HPSE2: variants seen among roughly 807,000 people sequenced by gnomAD.
HPSE2 encodes heparanase 2 (inactive).
Under a neutral mutation model 60.5 loss-of-function variants are expected in HPSE2, and 38 were observed. That is an observed-to-expected ratio of 0.63 (90% CI 0.48 to 0.82). The LOEUF (loss-of-function observed/expected upper bound fraction) is 0.82. HPSE2 is among the 40% of genes least tolerant of loss of function. HPSE2 has a pLI of 0.00. For synonymous variants in HPSE2, 295 were observed against 293.2 expected (o/e 1.01, Z -0.06); for missense variants, 713 against 740.4 (o/e 0.96, Z 0.43).
intron 9 of HPSE2, among the ~76,000 whole-genome samples, chr10:98,500,429 G>T (rs1382683283): frequency 6.6e-6 from 1 of 152,026 alleles, no homozygotes; most frequent in African/African-American, 2.4e-5. Context: ...ATGAGCATTG[G>T]GTCAAAAACG....
chr10:99,019,830 G>T (rs1045662512), intron 3 of HPSE2, among the ~76,000 whole-genome samples: 2 of 151,638 alleles, frequency 1.3e-5, no homozygotes, highest in South Asian at 4.2e-4. Flanking sequence ...TCCCCCGTCA[G>T]CTTCCCTAGT....
intron 6 of HPSE2, among the ~76,000 whole-genome samples, chr10:98,692,160 G>A (rs1182908888): frequency 1.3e-5 from 2 of 152,148 alleles, no homozygotes; most frequent in Non-Finnish European, 2.9e-5. Flanking sequence ...GACATGTAAG[G>A]TGAGACTTAA....
intron 3 of HPSE2, among the ~76,000 whole-genome samples, chr10:99,133,693 T>A (rs1385616256): frequency 6.6e-6 from 1 of 151,574 alleles, no homozygotes; most frequent in African/African-American, 2.4e-5. Context: ...AAATAGCACA[T>A]CCACTCAAAG....
chr10:99,135,266 T>G (rs1407170416), intron 3 of HPSE2, among the ~76,000 whole-genome samples: 2 of 152,076 alleles, frequency 1.3e-5, no homozygotes, highest in Non-Finnish European at 2.9e-5. Context: ...TCGGGAGACT[T>G]TAACACCCCA....
chr10:98,847,332 TGCTTCATATGGTC>T (rs751305884), intron 3 of HPSE2, among the ~76,000 whole-genome samples: 13 of 152,188 alleles, frequency 8.5e-5, no homozygotes, highest in Non-Finnish European at 1.3e-4. Context: ...ATTTGCCGAG[TGCTTCATATGGTC>T]GCATTTAATG....
At chr10:98,543,089 T>C (rs939799092) in intron 9 of HPSE2, among the ~76,000 whole-genome samples, 1 of 152,068 alleles carries the variant, frequency 6.6e-6, no homozygotes, top group African/African-American at 2.4e-5. Flanking sequence ...AAAGGTCGGG[T>C]TACCCTCAAA....
At chr10:98,520,834 C>A (rs1235620887) in intron 9 of HPSE2, among the ~76,000 whole-genome samples, 2 of 152,096 alleles carry the variant, frequency 1.3e-5, no homozygotes, top group Non-Finnish European at 2.9e-5. Flanking sequence ...GAAATAACAC[C>A]ACACATCTAC....
At chr10:99,215,457 G>T (rs1227032293) in intron 2 of HPSE2, among the ~76,000 whole-genome samples, 2 of 152,130 alleles carry the variant, frequency 1.3e-5, no homozygotes, top group Non-Finnish European at 2.9e-5. Context: ...ACCAGGGCCT[G>T]TCGGCGGGGT....
intron 3 of HPSE2, among the ~76,000 whole-genome samples, chr10:99,034,984 G>A (rs956170855): frequency 1.3e-5 from 2 of 152,166 alleles, no homozygotes; most frequent in African/African-American, 4.8e-5. Flanking sequence ...TTCCCTGAGT[G>A]TGTCAGTGAG....
intron 3 of HPSE2, among the ~76,000 whole-genome samples, chr10:99,060,659 A>C (rs1958218889): frequency 5.3e-5 from 1 of 19,028 alleles, no homozygotes; most frequent in African/African-American, 8.2e-5. Flanking sequence ...ACTCTGTCTC[A>C]AAAAAAAAAA....
At chr10:99,118,594 T>C (rs893719991) in intron 3 of HPSE2, among the ~76,000 whole-genome samples, 2 of 148,038 alleles carry the variant, frequency 1.4e-5, no homozygotes, top group African/African-American at 2.5e-5. Flanking sequence ...GTGAATATCA[T>C]ACTGAATGGG....
chr10:98,567,954 C>T (rs2133890431), intron 9 of HPSE2, among the ~76,000 whole-genome samples: 1 of 152,284 alleles, frequency 6.6e-6, no homozygotes, highest in South Asian at 2.1e-4. Context: ...GGATAAAAAT[C>T]ACACATCTGG....
At chr10:98,471,088 C>G (rs1211669804) in intron 11 of HPSE2, among the ~76,000 whole-genome samples, 1 of 152,212 alleles carries the variant, frequency 6.6e-6, no homozygotes. Context: ...CATCCTTCCA[C>G]TCAGTCACAG....
chr10:99,291,908 G>A, the HPSE2 span, among the ~76,000 whole-genome samples: 1 of 152,136 alleles, frequency 6.6e-6, no homozygotes, highest in African/African-American at 2.4e-5. Context: ...ACACTGTAGT[G>A]AGCCCCACTG....
intron 1 of HPSE2, among the ~76,000 whole-genome samples, chr10:99,234,784 G>A (rs1849782855): frequency 1.3e-5 from 2 of 151,768 alleles, no homozygotes; most frequent in Admixed American, 1.3e-4. Context: ...TGACCCCAGC[G>A]AGGATTTTTT....
intron 9 of HPSE2, among the ~76,000 whole-genome samples, chr10:98,537,952 T>A (rs1943339117): frequency 6.6e-6 from 1 of 152,210 alleles, no homozygotes; most frequent in Non-Finnish European, 1.5e-5. Flanking sequence ...AGTCTTAAAG[T>A]CTTTGATCTT....
chr10:99,253,964 T>C, the HPSE2 span, among the ~76,000 whole-genome samples: 3 of 152,276 alleles, frequency 2.0e-5, no homozygotes, highest in South Asian at 6.2e-4. Context: ...CTGTACACTG[T>C]TGGTGAGAAT....
At chr10:99,208,651 C>T (rs1848844875) in intron 2 of HPSE2, among the ~76,000 whole-genome samples, 1 of 151,018 alleles carries the variant, frequency 6.6e-6, no homozygotes, top group African/African-American at 2.4e-5. Flanking sequence ...CACCACTGCA[C>T]TCCCACCTGG....
chr10:99,183,840 G>A lies in HPSE2; in HGVS notation c.449-39441C>T, dbSNP rs1847871139. Among the ~76,000 whole-genome samples, 3 of 152,296 alleles carry A rather than the reference G, an allele frequency of 2.0e-5. No homozygotes were observed. In the Middle Eastern group the frequency reaches 0.01, roughly 518 times the overall value. ...ATAGTTCACTTTGGACAGCCAGACT[G>A]AAAAGACTTCATAACACGTAAGGCA... is the stretch of plus-strand genomic sequence containing the variant. On this transcript the variant is annotated intron_variant, in intron 2 of 11. Transcript: ENST00000370552.
Sources: allele counts gnomAD v4.1 joint callset (sites outside exome capture counted in the v4.1 genomes callset), GRCh38; gene constraint gnomAD v4.1.1; transcripts MANE v1.5; gene names NCBI Gene and HGNC (gene_info 2026-07-23, HGNC 2026-07-21).